The following PLOD2 variants were observed in gnomAD, a reference collection of about 807,000 sequenced individuals.
PLOD2 encodes the protein lysine hydroxylase 2.
PLOD2 carries 65 observed loss-of-function variants against 101.0 expected under a neutral mutation model. The ratio of observed to expected loss-of-function variants is 0.64; its 90% CI spans 0.53 to 0.79. The LOEUF (loss-of-function observed/expected upper bound fraction) is 0.79, where lower values mean the gene tolerates loss of function less well. Ranked by LOEUF, PLOD2 falls within the 30% of genes least tolerant of loss-of-function variation. PLOD2 has a pLI of 0.00. For missense variants in PLOD2, 909 were observed against 914.6 expected, an observed-to-expected ratio of 0.99 and a Z score of 0.08; for synonymous variants, 314 against 302.9, an observed-to-expected ratio of 1.04 and a Z score of -0.38.
In PLOD2 at chr3:146,076,831, T is replaced by C. The variant is rs1032220027; in HGVS notation, c.1628A>G (p.Asn543Ser). 6 of 1,592,730 alleles carry C rather than the reference T, an allele frequency of 3.8e-6. No individual in the cohort carries two copies. The highest frequency in any genetic ancestry group is 1.7e-5 in the Admixed American group (1 of 59,708). ...GAGGTCATTGTTATAATGGGAAGTATTGTAATTAGCAGTGGATAATAGCCT... is the reference window on the plus strand; with the variant it reads ...GAGGTCATTGTTATAATGGGAAGTACTGTAATTAGCAGTGGATAATAGCCT... ...FGRLLSTANY[N>S]TSHYNNDLWQ... The change falls in exon 15 of 20, where the codon AAT (asparagine) becomes AGT (serine). Residue 543 changes from asparagine (N) to serine (S), a missense_variant. Transcript: ENST00000282903.
chr3:146,132,315 C>T (rs960826853), intron 1 of PLOD2, among the ~76,000 whole-genome samples: 3 of 151,986 alleles, frequency 2.0e-5, no homozygotes, highest in East Asian at 3.9e-4. Context: ...ATGGAGAGGG[C>T]AAGTATCGCC....
At chr3:146,110,563 C>A (rs1937612063) in intron 3 of PLOD2, 115 bp from the exon 4 acceptor site, 2 of 736,606 alleles carry the variant, frequency 2.7e-6, no homozygotes, top group South Asian at 1.8e-5. Context: ...AAGATTAATA[C>A]CTGTGCCAAC....
chr3:146,155,262 T>C (rs2032243030), intron 1 of PLOD2, among the ~76,000 whole-genome samples: 1 of 152,120 alleles, frequency 6.6e-6, no homozygotes, highest in Admixed American at 6.5e-5. Flanking sequence ...AGTTTCAGGC[T>C]GTAGTGAGCT....
At chr3:146,104,689 G>C (rs1937507283) in intron 5 of PLOD2, among the ~76,000 whole-genome samples, 1 of 152,036 alleles carries the variant, frequency 6.6e-6, no homozygotes, top group African/African-American at 2.4e-5. Flanking sequence ...AGAAAATCTT[G>C]CTTTACTGTA....
intron 3 of PLOD2, among the ~76,000 whole-genome samples, chr3:146,119,894 G>A (rs1487524788): frequency 6.6e-5 from 10 of 152,076 alleles, no homozygotes; most frequent in African/African-American, 1.9e-4. Flanking sequence ...ATAGTGCCGC[G>A]ATAAACATAC....
At chr3:146,150,920 T>C (rs76582803) in intron 1 of PLOD2, among the ~76,000 whole-genome samples, 2,204 of 152,290 alleles carry the variant, frequency 0.014, 58 homozygotes, top group African/African-American at 0.05. Context: ...TCTCTTCTCA[T>C]ATAAAAACAC....
chr3:146,097,235 C>T (rs1019124218), intron 7 of PLOD2, among the ~76,000 whole-genome samples: 92 of 151,378 alleles, frequency 6.1e-4, no homozygotes, highest in African/African-American at 2.0e-3. Context: ...GCGCTTCTGC[C>T]GGGCCGCCCC....
intron 3 of PLOD2, among the ~76,000 whole-genome samples, chr3:146,111,011 A>G (rs1203383975): frequency 7.2e-6 from 1 of 139,120 alleles, no homozygotes; most frequent in Non-Finnish European, 1.5e-5. Context: ...TTGGGAGAAA[A>G]TTTTTGTAAA....
chr3:146,129,514 G>A (rs531575649), intron 1 of PLOD2, among the ~76,000 whole-genome samples: 24 of 152,082 alleles, frequency 1.6e-4, no homozygotes, highest in Non-Finnish European at 2.6e-4. Context: ...TAAACTCTGC[G>A]TCTCAACTGT....
chr3:146,091,990 T>C lies in PLOD2; in HGVS notation c.778-89A>G, dbSNP rs1936990527. On this transcript the variant is annotated intron_variant, in intron 7 of 19. Transcript: ENST00000282903. The stretch of plus-strand genomic sequence containing the variant: ...TAATCATCTAATTTAAAAGCATGTT[T>C]TCTGCAGCAGGTATATTCCTTTAGT... The C allele has an allele frequency of 1.2e-5, 9 of 740,202 alleles. No homozygotes were observed. The East Asian group carries it at 2.4e-4, about 20-fold the overall frequency. The allele number at this position is 740,202 out of a possible 1,614,324, so 45.9% of individuals were successfully genotyped here.
intron 3 of PLOD2, among the ~76,000 whole-genome samples, chr3:146,114,477 A>G (rs919866579): frequency 6.6e-6 from 1 of 152,128 alleles, no homozygotes; most frequent in African/African-American, 2.4e-5. Context: ...CCCAGCTAAC[A>G]ACCAGACATA....
intron 1 of PLOD2, among the ~76,000 whole-genome samples, chr3:146,144,256 CA>C (rs959518234): frequency 1.3e-5 from 2 of 152,020 alleles, no homozygotes; most frequent in Non-Finnish European, 2.9e-5. Flanking sequence ...ATGCAACTCA[CA>C]TAAGAAACAG....
chr3:146,086,744 T>A (rs1936786485), intron 10 of PLOD2, 43 bp downstream of exon 10: 1 of 1,266,398 alleles, frequency 7.9e-7, no homozygotes, highest in Admixed American at 2.5e-5. Context: ...TAACGTTTCC[T>A]TAGTAAAATA....
intron 3 of PLOD2, among the ~76,000 whole-genome samples, chr3:146,115,571 T>C (rs970707291): frequency 6.6e-6 from 1 of 152,144 alleles, no homozygotes; most frequent in African/African-American, 2.4e-5. Flanking sequence ...TTATTTTGCA[T>C]TCAAATCCTC....
At chr3:146,143,541 A>G (rs1407362236) in intron 1 of PLOD2, among the ~76,000 whole-genome samples, 1 of 151,996 alleles carries the variant, frequency 6.6e-6, no homozygotes, top group Admixed American at 6.6e-5. Context: ...TCCCTAGACT[A>G]CTGAAATCAT....
intron 1 of PLOD2, among the ~76,000 whole-genome samples, chr3:146,133,803 T>C (rs2031068357): frequency 1.3e-5 from 2 of 152,166 alleles, no homozygotes; most frequent in Admixed American, 6.5e-5. Flanking sequence ...AAGTGTGTTA[T>C]GGGCCTTACT....
chr3:146,130,944 G>T (rs1446245287), intron 1 of PLOD2, among the ~76,000 whole-genome samples: 1 of 152,142 alleles, frequency 6.6e-6, no homozygotes, highest in Non-Finnish European at 1.5e-5. Flanking sequence ...AATGGGAAGG[G>T]TTCCCATCAT....
At chr3:146,087,018 T>C (rs532873631) in intron 9 of PLOD2, 110 bp from the exon 10 acceptor site, 172 of 554,908 alleles carry the variant, frequency 3.1e-4, no homozygotes, top group Non-Finnish European at 4.3e-4. Context: ...ACAATTCAGA[T>C]ATTCAATTAC....
intron 11 of PLOD2, among the ~76,000 whole-genome samples, chr3:146,082,287 A>C (rs929243579): frequency 6.6e-6 from 1 of 152,236 alleles, no homozygotes; most frequent in African/African-American, 2.4e-5. Flanking sequence ...GGTGCATTTA[A>C]GATATTCAAT....
Sources: gnomAD v4.1 joint callset for allele counts (sites outside exome capture counted in the v4.1 genomes callset) on GRCh38, gnomAD v4.1.1 for gene constraint, MANE v1.5 for transcripts, NCBI Gene and HGNC (gene_info 2026-07-23, HGNC 2026-07-21) for gene names.